The following DNAH9 variants were observed in gnomAD, a reference collection of about 807,000 sequenced individuals.
The protein encoded by DNAH9 is dynein axonemal heavy chain 9, also known as DNAH9 variant protein.
In DNAH9, 345 loss-of-function variants were observed where a neutral mutation model predicts 471.6. That is an observed-to-expected ratio of 0.73 (90% CI 0.67 to 0.80). DNAH9 has a LOEUF of 0.80. Ranked by LOEUF, DNAH9 falls within the 30% of genes least tolerant of loss-of-function variation. DNAH9 has a pLI of 0.00. For synonymous variants in DNAH9, 2,093 were observed against 2,123.6 expected, an observed-to-expected ratio of 0.99 and a Z score of 0.40; for missense variants, 5,407 against 5,609.2, an observed-to-expected ratio of 0.96 and a Z score of 1.15.
Position 11,892,001 on chromosome 17 carries a change from C to A in DNAH9, c.11283+54C>A. Reference sequence around the variant, plus strand: ...AAACAGGTTATTTTTAGTGCCCAGACAGCAGGTGTTAAGAAACTTTCTTCT... The same window carrying A: ...AAACAGGTTATTTTTAGTGCCCAGAAAGCAGGTGTTAAGAAACTTTCTTCT... On this transcript the variant is annotated intron_variant, in intron 58 of 68. Coordinates refer to ENST00000262442, the MANE Select transcript of DNAH9 (RefSeq NM_001372.4). This position sits in a 1 kb window ranked among gnomAD's most constrained non-coding sequence, Gnocchi z 4.3. 6.3e-7 allele frequency: 1 copy of A among 1,588,372 alleles called. No individual in the cohort carries two copies. Among genetic ancestry groups the A allele is most frequent in the Non-Finnish European group, 8.6e-7 (1 of 1,160,910 alleles).
At chr17:11,676,491 C>T (rs1233394940) in intron 17 of DNAH9, among the ~76,000 whole-genome samples, 1 of 152,074 alleles carries the variant, frequency 6.6e-6, no homozygotes, top group African/African-American at 2.4e-5. Context: ...CCATGTTGGT[C>T]ATGCTGGTCT....
chr17:11,943,587 G>A lies in DNAH9; in HGVS notation c.12843+1102G>A, dbSNP rs546209229. 2.6e-5 allele frequency among the ~76,000 whole-genome samples: 4 copies of A among 152,204 alleles called. No homozygotes were observed. The South Asian group carries it at 8.3e-4, about 32-fold the overall frequency. ...AGTTGCTGGGGAGGCTGAGGCAGGA[G>A]AATAGCGTGAACCTGGGAGGCGGAG... On this transcript the variant is annotated intron_variant, in intron 67 of 68. Transcript: ENST00000262442.
chr17:11,899,183 T>TAAAA (rs3842381), intron 59 of DNAH9, among the ~76,000 whole-genome samples: 3,365 of 151,122 alleles, frequency 0.022, 42 homozygotes, highest in Middle Eastern at 0.041. Context: ...CATGATTTTT[T>TAAAA]AAAAAAAAAA....
At chr17:11,702,532 G>A (rs1348917177) in intron 24 of DNAH9, among the ~76,000 whole-genome samples, 2 of 152,186 alleles carry the variant, frequency 1.3e-5, no homozygotes, top group African/African-American at 4.8e-5. Flanking sequence ...ATCATTCAGA[G>A]CCAGAGGAGG....
Position 11,669,449 on chromosome 17 carries a change from G to C in DNAH9, c.3008G>C (p.Cys1003Ser). ...AGAGTCCAGAGAATGATGGGCCTCTGCTGTGGCTATCAGAGCACCTTCAGC... is the reference window on the plus strand; with the variant it reads ...AGAGTCCAGAGAATGATGGGCCTCTCCTGTGGCTATCAGAGCACCTTCAGC... Reference protein sequence around the residue: ...MERVQRMMGLCCGYQSTFSQY... With the variant: ...MERVQRMMGLSCGYQSTFSQY... Residue 1003 changes from cysteine (C) to serine (S), a missense_variant, in exon 17 of 69, where the codon TGC (cysteine) becomes TCC (serine). By Grantham distance (112) the Cys-to-Ser change is moderately radical (BLOSUM62 -1). Transcript: ENST00000262442. 1 of 1,614,118 alleles carries C rather than the reference G, an allele frequency of 6.2e-7. No homozygotes were observed. The highest frequency in any genetic ancestry group is 8.5e-7 in the Non-Finnish European group (1 of 1,179,978).
chr17:11,714,867 C>G (rs572842872), intron 26 of DNAH9, among the ~76,000 whole-genome samples: 1 of 152,144 alleles, frequency 6.6e-6, no homozygotes, highest in East Asian at 1.9e-4. Flanking sequence ...TGAATTCTGC[C>G]AAGAACCTGA....
intron 26 of DNAH9, among the ~76,000 whole-genome samples, chr17:11,713,610 C>T (rs2074911015): frequency 6.6e-6 from 1 of 152,030 alleles, no homozygotes; most frequent in Non-Finnish European, 1.5e-5. Flanking sequence ...TGAGGTTCAA[C>T]TTATGAATTT....
intron 17 of DNAH9, among the ~76,000 whole-genome samples, chr17:11,678,050 ATTTATTTTATTTT>A (rs1317545166): frequency 1.2e-4 from 18 of 151,632 alleles, no homozygotes; most frequent in Non-Finnish European, 2.2e-4. Flanking sequence ...TTTATTATTT[ATTTATTTTATTTT>A]TTTATTTTTT....
At position 11,645,873 on chromosome 17, in the gene DNAH9, CTTTTTCT is replaced by C. The variant is rs1441677596; in HGVS notation, c.1970+1180_1970+1186del. Among the ~76,000 whole-genome samples the C allele has an allele frequency of 2.9e-3, 401 of 138,738 alleles. 2 individuals carry two copies. Among genetic ancestry groups the C allele is most frequent in the African/African-American group, 0.011 (377 of 35,098 alleles). 91.0% of individuals were successfully genotyped at this position (138,738 alleles called of 152,430 possible). The stretch of plus-strand genomic sequence containing the variant: ...TGATGTCCTGTACATTTCTCTTTTT[CTTTTTCT>C]TTTTTTTTTTTTTTTTTGAGACGGA... On this transcript the variant is annotated intron_variant, in intron 11 of 68. Coordinates refer to ENST00000262442, the MANE Select transcript of DNAH9 (RefSeq NM_001372.4).
At chr17:11,821,143 G>A (rs374556216) in intron 45 of DNAH9, among the ~76,000 whole-genome samples, 4 of 151,930 alleles carry the variant, frequency 2.6e-5, no homozygotes, top group East Asian at 1.9e-4. Context: ...AAAATTAGCC[G>A]GGCATGGTGG....
At chr17:11,833,730 G>T (rs9900617) in intron 48 of DNAH9, among the ~76,000 whole-genome samples, 49,606 of 152,026 alleles carry the variant, frequency 0.33, 8,271 homozygotes, top group East Asian at 0.44. Flanking sequence ...TCCTGGGCTG[G>T]TTATTGTAGA....
chr17:11,598,567 A>C lies in DNAH9; in HGVS notation c.69A>C (p.Arg23=), dbSNP rs538221390. 3.4e-4 allele frequency: 454 copies of C among 1,343,558 alleles called. 6 individuals carry two copies. The South Asian group carries it at 6.8e-3, about 20-fold the overall frequency. 83.2% of individuals were successfully genotyped at this position (1,343,558 alleles called of 1,614,324 possible). Reference sequence around the variant, plus strand: ...CGGATGGGGAACCCGGCGCCGACCGACGACTGCGACTCCTGGGGACCTACG... The same window carrying C: ...CGGATGGGGAACCCGGCGCCGACCGCCGACTGCGACTCCTGGGGACCTACG... The part of the protein sequence containing the change: ...ENADGEPGAD[R]RLRLLGTYVA... The change falls in exon 1 of 69, where the codon CGA becomes CGC. Residue 23 remains arginine (R), a synonymous_variant. Transcript: ENST00000262442.
At chr17:11,835,343 A>G (rs1970815928) in intron 49 of DNAH9, among the ~76,000 whole-genome samples, 1 of 152,230 alleles carries the variant, frequency 6.6e-6, no homozygotes, top group South Asian at 2.1e-4. Context: ...TAAGGTTTTT[A>G]TGTTAAATGT....
In DNAH9 at chr17:11,669,657, G is replaced by T; in HGVS notation, c.3216G>T (p.Val1072=). 3 of 1,614,190 alleles carry T rather than the reference G, an allele frequency of 1.9e-6. No individual in the cohort carries two copies. In the South Asian group the frequency reaches 3.3e-5, roughly 18 times the overall value. ...IDSYETLYEE[V]CRLEPIKVFD... is the part of the protein sequence containing the mutation. ...CCTATGAAACGCTCTATGAAGAGGT[G>T]TGCAGGCTGGAACCCATCAAGGTGT... The change falls in exon 17 of 69, where the codon GTG becomes GTT. Residue 1072 remains valine (V), a synonymous_variant. Transcript: ENST00000262442.
intron 43 of DNAH9, among the ~76,000 whole-genome samples, chr17:11,801,925 T>G (rs1052665771): frequency 3.3e-5 from 5 of 152,134 alleles, no homozygotes; most frequent in Non-Finnish European, 7.3e-5. Context: ...CTACAAACAC[T>G]GGCTTTCTTC....
rs926887108 is a variant in DNAH9, at chr17:11,658,270, C to T, written c.2595+5268C>T. On this transcript the variant is annotated intron_variant, in intron 14 of 68. Coordinates refer to ENST00000262442, the MANE Select transcript of DNAH9 (RefSeq NM_001372.4). The stretch of plus-strand genomic sequence containing the variant: ...TCTAGCACCAAGTTTTTTATGTTTG[C>T]AGTTCTACAACAAATGGAATTGTTT... Among the ~76,000 whole-genome samples, 12 of 152,142 alleles carry T rather than the reference C, an allele frequency of 7.9e-5. No individual in the cohort carries two copies. The East Asian group carries it at 2.3e-3, about 29-fold the overall frequency.
chr17:11,949,481 C>T (rs956728758), intron 67 of DNAH9, among the ~76,000 whole-genome samples: 11 of 146,760 alleles, frequency 7.5e-5, no homozygotes, highest in Non-Finnish European at 1.1e-4. Context: ...TAGCTTGAGA[C>T]TTTTTTTTTT....
rs781651057 is a variant in DNAH9 at position 11,598,701 on chromosome 17, C to G, written c.203C>G (p.Pro68Arg). 2 of 1,372,538 alleles carry G rather than the reference C, an allele frequency of 1.5e-6. No individual in the cohort carries two copies. Among genetic ancestry groups the G allele is most frequent in the African/African-American group, 1.5e-5 (1 of 65,060 alleles). The allele number at this position is 1,372,538 out of a possible 1,614,324, so 85.0% of individuals were successfully genotyped here. A position where few individuals can be genotyped will look rare whatever the true frequency, so the allele number is the denominator to read the frequency against. The change falls in exon 1 of 69, where the codon CCG becomes CGG. Residue 68 changes from proline (P) to arginine (R), a missense_variant. By Grantham distance (103) the Pro-to-Arg change is moderately radical (BLOSUM62 -2). This residue lies in a region of DNAH9 where 767 missense variants were observed against 692.5 expected (regional missense o/e 1.11). Coordinates refer to ENST00000262442, the MANE Select transcript of DNAH9 (RefSeq NM_001372.4). The part of the protein sequence containing the change: ...AFLGRDAAEG[P>R]RPLLVVRPGP... ...CTGGGCCGCGATGCTGCCGAGGGGCCGCGGCCGCTGCTGGTGGTGCGGCCC... is the reference window on the plus strand; with the variant it reads ...CTGGGCCGCGATGCTGCCGAGGGGCGGCGGCCGCTGCTGGTGGTGCGGCCC...
At chr17:11,694,235 T>C (rs1567723971) in intron 21 of DNAH9, 86 bp from the exon 22 acceptor site, 5 of 1,428,204 alleles carry the variant, frequency 3.5e-6, no homozygotes, top group South Asian at 2.4e-5. Flanking sequence ...GTTCCGTCTA[T>C]TGCATATACA....
Sources: allele counts gnomAD v4.1 joint callset (sites outside exome capture counted in the v4.1 genomes callset), GRCh38; gene constraint gnomAD v4.1.1; regional missense constraint gnomAD v4.1.1; non-coding constraint Gnocchi (gnomAD v3.1); transcripts MANE v1.5; gene names NCBI Gene and HGNC (gene_info 2026-07-23, HGNC 2026-07-21).